Variants in NOX4 observed in about 807,000 individuals in gnomAD.
The protein encoded by NOX4 is kidney oxidase-1.
Under a neutral mutation model 87.6 loss-of-function variants are expected in NOX4, and 69 were observed. The ratio of observed to expected loss-of-function variants is 0.79; its 90% CI spans 0.65 to 0.96. The LOEUF is 0.96. NOX4 is among the 40% of genes least tolerant of loss of function. NOX4 has a pLI of 0.00. For missense variants in NOX4, 680 were observed against 681.5 expected, an observed-to-expected ratio of 1.00 and a Z score of 0.02; for synonymous variants, 275 against 238.2, an observed-to-expected ratio of 1.15 and a Z score of -1.42.
intron 16 of NOX4, 37 bp from the exon 17 acceptor site, chr11:89,335,982 G>C (rs199705294): frequency 7.6e-7 from 1 of 1,311,828 alleles, no homozygotes; most frequent in East Asian, 2.4e-5. Context: ...TCGATATTTA[G>C]TTAAGTAAAC....
the NOX4 span, among the ~76,000 whole-genome samples, chr11:89,534,716 T>C: frequency 6.6e-6 from 1 of 152,218 alleles, no homozygotes; most frequent in Non-Finnish European, 1.5e-5. Flanking sequence ...CAGATGTCCT[T>C]ACCCAGTAGA....
At chr11:89,364,551 G>GA (rs942170838) in intron 12 of NOX4, among the ~76,000 whole-genome samples, 12 of 151,940 alleles carry the variant, frequency 7.9e-5, no homozygotes, top group Admixed American at 3.9e-4. Context: ...TACATAAGGG[G>GA]AAAAAAATCC....
upstream of NOX4, among the ~76,000 whole-genome samples, chr11:89,502,742 T>C (rs319019): frequency 0.67 from 101,713 of 151,910 alleles, 35,536 homozygotes; most frequent in Non-Finnish European, 0.81. Flanking sequence ...ATTAACATGC[T>C]AAATGTTTGC....
At chr11:89,400,182 G>A (rs750622638) in intron 10 of NOX4, 33 bp downstream of exon 10, 54 of 1,603,220 alleles carry the variant, frequency 3.4e-5, no homozygotes, top group Non-Finnish European at 4.4e-5. Context: ...TAAGGATAAA[G>A]GCTATTTAAA....
the NOX4 span, chr11:89,545,222 C>T: frequency 5.9e-5 from 9 of 152,108 alleles, no homozygotes; most frequent in Non-Finnish European, 1.0e-4. Flanking sequence ...GCATTTAGTT[C>T]TGTGTATGTT....
intron 12 of NOX4, among the ~76,000 whole-genome samples, chr11:89,362,195 C>T (rs1053708014): frequency 1.1e-4 from 17 of 152,006 alleles, no homozygotes; most frequent in Non-Finnish European, 2.4e-4. Context: ...CACACACACA[C>T]ACACCTTCTA....
At chr11:89,579,559 C>T in the NOX4 span, among the ~76,000 whole-genome samples, 2 of 151,698 alleles carry the variant, frequency 1.3e-5, no homozygotes, top group Non-Finnish European at 2.9e-5. Flanking sequence ...ATAGAATATA[C>T]AACATAAAGA....
chr11:89,422,014 A>G (rs764080969), intron 7 of NOX4, 32 bp from the exon 8 acceptor site: 2 of 1,112,306 alleles, frequency 1.8e-6, no homozygotes, highest in Non-Finnish European at 2.6e-6. Context: ...TTTTAATGCT[A>G]CTTTACATTC....
chr11:89,458,365 T>TA (rs1326686522), intron 2 of NOX4, among the ~76,000 whole-genome samples: 1 of 152,120 alleles, frequency 6.6e-6, no homozygotes, highest in Non-Finnish European at 1.5e-5. Context: ...GCCTGGAAGA[T>TA]AACCTGGTAA....
chr11:89,542,207 T>C, the NOX4 span, among the ~76,000 whole-genome samples: 3 of 152,362 alleles, frequency 2.0e-5, no homozygotes, highest in African/African-American at 7.2e-5. Flanking sequence ...TTGTAATACA[T>C]TGAGTTTGTG....
the NOX4 span, among the ~76,000 whole-genome samples, chr11:89,518,883 GATCT>G: frequency 2.1e-4 from 31 of 150,092 alleles, no homozygotes; most frequent in Non-Finnish European, 2.9e-4. Context: ...TCCATTTAAA[GATCT>G]ATCTGTGATT....
chr11:89,569,365 C>T, the NOX4 span, among the ~76,000 whole-genome samples: 2 of 151,808 alleles, frequency 1.3e-5, no homozygotes, highest in African/African-American at 2.4e-5. Flanking sequence ...ACAAACAAAA[C>T]CAAAATAACC....
chr11:89,473,464 C>T (rs1207676324), intron 2 of NOX4, among the ~76,000 whole-genome samples: 1 of 141,856 alleles, frequency 7.0e-6, no homozygotes, highest in East Asian at 2.0e-4. Context: ...CCTGAATAAA[C>T]AAAAAAAAAA....
At chr11:89,523,025 C>G in the NOX4 span, among the ~76,000 whole-genome samples, 1 of 151,530 alleles carries the variant, frequency 6.6e-6, no homozygotes, top group Non-Finnish European at 1.5e-5. Flanking sequence ...CTTTTTTTTT[C>G]TTTTCTTTTT....
intron 11 of NOX4, among the ~76,000 whole-genome samples, chr11:89,387,263 T>G (rs1353734412): frequency 6.6e-6 from 1 of 152,118 alleles, no homozygotes; most frequent in African/African-American, 2.4e-5. Context: ...AGTCACAGAC[T>G]AAGTGAAAAT....
chr11:89,361,842 G>A (rs1938548636), intron 12 of NOX4, among the ~76,000 whole-genome samples: 1 of 152,026 alleles, frequency 6.6e-6, no homozygotes. Context: ...TCCCCCAAGT[G>A]CCTCTTCAGT....
At chr11:89,560,882 C>T in the NOX4 span, among the ~76,000 whole-genome samples, 1 of 149,006 alleles carries the variant, frequency 6.7e-6, no homozygotes, top group Non-Finnish European at 1.5e-5. Flanking sequence ...CTAAGCGATG[C>T]TATCAGCATT....
chr11:89,332,690 T>C (rs1308916456), intron 17 of NOX4, among the ~76,000 whole-genome samples: 1 of 151,682 alleles, frequency 6.6e-6, no homozygotes, highest in Non-Finnish European at 1.5e-5. Context: ...ACTCTTTATC[T>C]GTGACAAGCT....
chr11:89,394,516 A>G (rs1941343368), intron 11 of NOX4, among the ~76,000 whole-genome samples: 1 of 152,060 alleles, frequency 6.6e-6, no homozygotes, highest in Admixed American at 6.6e-5. Flanking sequence ...TTTTATTATT[A>G]TTATATTTTA....
Sources: gnomAD v4.1 joint callset for allele counts (sites outside exome capture counted in the v4.1 genomes callset) on GRCh38, gnomAD v4.1.1 for gene constraint, MANE v1.5 for transcripts, NCBI Gene and HGNC (gene_info 2026-07-23, HGNC 2026-07-21) for gene names.